PTPRK: variants seen among roughly 807,000 people sequenced by gnomAD.
PTPRK encodes the protein protein tyrosine phosphatase receptor type K.
In PTPRK, 75 loss-of-function variants were observed where a neutral mutation model predicts 178.0. The observed-to-expected ratio is 0.42, with a 90% CI of 0.35 to 0.51. PTPRK has a LOEUF of 0.51. PTPRK is among the 20% of genes least tolerant of loss of function. The pLI is 0.02. For missense variants in PTPRK, 1,441 were observed against 1,797.8 expected (o/e 0.80, Z 3.59); for synonymous variants, 637 against 620.6 (o/e 1.03, Z -0.39).
intron 10 of PTPRK, among the ~76,000 whole-genome samples, 179 bp from the exon 11 acceptor site, chr6:128,079,097 A>T (rs752631683): frequency 1.3e-5 from 2 of 152,098 alleles, no homozygotes; most frequent in African/African-American, 2.4e-5. Context: ...TTAAAATATC[A>T]AAAGCTAGAA....
intron 1 of PTPRK, among the ~76,000 whole-genome samples, chr6:128,423,183 C>T (rs1843700107): frequency 6.6e-6 from 1 of 152,082 alleles, no homozygotes; most frequent in African/African-American, 2.4e-5. Flanking sequence ...AAAGCTTAAC[C>T]TTTTATAAAG....
chr6:128,073,961 T>A (rs1284083559), intron 11 of PTPRK, among the ~76,000 whole-genome samples: 1 of 152,062 alleles, frequency 6.6e-6, no homozygotes, highest in African/African-American at 2.4e-5. Flanking sequence ...TTTAAATTTA[T>A]GTAATGAAAC....
chr6:128,506,302 A>T (rs1302734166), intron 1 of PTPRK, among the ~76,000 whole-genome samples: 1 of 152,252 alleles, frequency 6.6e-6, no homozygotes, highest in East Asian at 1.9e-4. Flanking sequence ...TTTCTGGTCA[A>T]TTCTTATTTT....
At chr6:128,069,190 T>C (rs1191037037) in intron 11 of PTPRK, among the ~76,000 whole-genome samples, 1 of 152,154 alleles carries the variant, frequency 6.6e-6, no homozygotes, top group African/African-American at 2.4e-5. Flanking sequence ...TAAGCTCCCA[T>C]TTTCCATTAA....
chr6:128,501,363 C>CCTG (rs1855530653), intron 1 of PTPRK, among the ~76,000 whole-genome samples: 1 of 151,818 alleles, frequency 6.6e-6, no homozygotes, highest in Non-Finnish European at 1.5e-5. Flanking sequence ...GGACTGTCAG[C>CCTG]ACTTTGTCAT....
chr6:128,471,368 G>A (rs954867276), intron 1 of PTPRK, among the ~76,000 whole-genome samples: 1 of 151,694 alleles, frequency 6.6e-6, no homozygotes. Context: ...AATGAATGGG[G>A]GGGAAAAGTG....
intron 1 of PTPRK, among the ~76,000 whole-genome samples, chr6:128,446,022 T>G (rs1191931341): frequency 6.6e-6 from 1 of 151,848 alleles, no homozygotes; most frequent in African/African-American, 2.4e-5. Context: ...GCATGTTAAC[T>G]GCAGAATCAG....
chr6:128,009,155 C>G lies in PTPRK; in HGVS notation c.2308G>C (p.Val770Leu), dbSNP rs149435736. The change falls in exon 14 of 30, where the codon GTT becomes CTT. Residue 770 changes from valine to leucine, a missense_variant. By Grantham distance (32) the Val-to-Leu change is conservative (BLOSUM62 1). This residue lies in a region of PTPRK where 945 missense variants were observed against 1,080.6 expected (regional missense o/e 0.87). Coordinates refer to ENST00000368226, the MANE Select transcript of PTPRK (RefSeq NM_002844.4). ...CTCTTTTTTACAATTAATATGACAA[C>G]TAGGAGAAGGAGGATGAACACCAAA... ...GILVFILLLL[V>L]VILIVKKSKL... The G allele has an allele frequency of 2.5e-6, 4 of 1,608,340 alleles. No individual in the cohort carries two copies. In the African/African-American group the frequency reaches 5.4e-5, roughly 22 times the overall value.
At chr6:128,201,066 G>A (rs1294797111) in intron 6 of PTPRK, among the ~76,000 whole-genome samples, 2 of 152,064 alleles carry the variant, frequency 1.3e-5, no homozygotes, top group Non-Finnish European at 2.9e-5. Context: ...AGGTGCTTAT[G>A]GACTTTCTTT....
intron 7 of PTPRK, among the ~76,000 whole-genome samples, chr6:128,123,965 C>T (rs1353974539): frequency 6.6e-6 from 1 of 152,118 alleles, no homozygotes; most frequent in Non-Finnish European, 1.5e-5. Flanking sequence ...ACTGTGGATG[C>T]CGACCTTCAC....
intron 13 of PTPRK, among the ~76,000 whole-genome samples, chr6:128,011,003 T>C (rs1778987274): frequency 6.6e-6 from 1 of 151,272 alleles, no homozygotes; most frequent in Admixed American, 6.6e-5. Context: ...ATGTTAGAGA[T>C]CTTTTCCTTT....
intron 1 of PTPRK, among the ~76,000 whole-genome samples, chr6:128,502,836 T>C (rs1229662457): frequency 2.0e-5 from 3 of 152,220 alleles, no homozygotes; most frequent in Admixed American, 1.3e-4. Flanking sequence ...TGTGTTACTA[T>C]GCATCTCTTC....
intron 13 of PTPRK, among the ~76,000 whole-genome samples, chr6:128,029,274 C>T (rs1774867995): frequency 6.6e-6 from 1 of 152,088 alleles, no homozygotes; most frequent in African/African-American, 2.4e-5. Flanking sequence ...TGTAAGCTCC[C>T]TGAGGCCCTC....
At chr6:127,979,118 A>G (rs1187238991) in intron 25 of PTPRK, among the ~76,000 whole-genome samples, 1 of 145,554 alleles carries the variant, frequency 6.9e-6, no homozygotes, top group Admixed American at 6.7e-5. Context: ...AAAAAATAAT[A>G]AAAAAAAAAT....
At chr6:128,460,996 C>T (rs1175066025) in intron 1 of PTPRK, among the ~76,000 whole-genome samples, 1 of 151,948 alleles carries the variant, frequency 6.6e-6, no homozygotes, top group Non-Finnish European at 1.5e-5. Context: ...TTACAGTCAT[C>T]TTTAAGGAAG....
In PTPRK at chr6:128,179,904, T is replaced by C. The variant is rs145159826; in HGVS notation, c.1162+4528A>G. ...GACAAGAAAAAAAATGCATTTTTAG[T>C]AAATGCTTACTTTTAAAATAAGACA... On this transcript the variant is annotated intron_variant, in intron 7 of 29. Transcript: ENST00000368226. Among the ~76,000 whole-genome samples the C allele has an allele frequency of 8.2e-4, 125 of 152,204 alleles. 1 individual carries two copies. The highest frequency in any genetic ancestry group is 2.9e-3 in the African/African-American group (122 of 41,572).
rs1792383763 is a variant in PTPRK at position 128,121,081 on chromosome 6, G to GAA, written c.1163-31091_1163-31090dup. On this transcript the variant is annotated intron_variant, in intron 7 of 29. Transcript: ENST00000368226. ...AATAAGAGTTGAGAAGAGGCATGCT[G>GAA]AACTTCAAGAGCTTTACAAAATAGT... Among the ~76,000 whole-genome samples, 2 of 151,900 alleles carry GAA rather than the reference G, an allele frequency of 1.3e-5. 1 individual carries two copies. The highest frequency in any genetic ancestry group is 1.3e-4 in the Admixed American group (2 of 15,246).
At chr6:128,026,453 G>C (rs1774321852) in intron 13 of PTPRK, among the ~76,000 whole-genome samples, 1 of 152,170 alleles carries the variant, frequency 6.6e-6, no homozygotes, top group Non-Finnish European at 1.5e-5. Context: ...AAAAACTACT[G>C]TGTGATCTGG....
intron 5 of PTPRK, among the ~76,000 whole-genome samples, chr6:128,236,835 C>T (rs1047296585): frequency 2.0e-4 from 31 of 152,146 alleles, no homozygotes; most frequent in Admixed American, 3.9e-4. Flanking sequence ...AAATACTCTA[C>T]AATTATATAA....
Sources: allele counts gnomAD v4.1 joint callset (sites outside exome capture counted in the v4.1 genomes callset), GRCh38; gene constraint gnomAD v4.1.1; regional missense constraint gnomAD v4.1.1; transcripts MANE v1.5; gene names NCBI Gene and HGNC (gene_info 2026-07-23, HGNC 2026-07-21).